Variants in FNDC3B observed in about 807,000 individuals in gnomAD.
The protein encoded by FNDC3B is fibronectin type III domain-containing protein 3B.
Under a neutral mutation model 151.5 loss-of-function variants are expected in FNDC3B, and 12 were observed. That is an observed-to-expected ratio of 0.08 (90% CI 0.05 to 0.13). The LOEUF is 0.13. Among genes scored for constraint, FNDC3B ranks in the 10% least tolerant of loss-of-function variants. FNDC3B has a pLI of 1.00. For missense variants in FNDC3B, 1,214 were observed against 1,505.3 expected (o/e 0.81, Z 3.20); for synonymous variants, 528 against 549.0 (o/e 0.96, Z 0.54).
intron 6 of FNDC3B, among the ~76,000 whole-genome samples, chr3:172,255,475 G>A (rs1448813967): frequency 1.3e-5 from 2 of 152,170 alleles, no homozygotes; most frequent in African/African-American, 4.8e-5. Flanking sequence ...TCACCATGTT[G>A]GCCAGGCTTG....
At chr3:172,110,170 C>G (rs1462464558) in intron 1 of FNDC3B, among the ~76,000 whole-genome samples, 1 of 152,144 alleles carries the variant, frequency 6.6e-6, no homozygotes, top group Admixed American at 6.5e-5. Flanking sequence ...TGTTGGTGTT[C>G]AGACATTCTT....
chr3:172,297,908 G>T (rs1346086997), intron 8 of FNDC3B, among the ~76,000 whole-genome samples: 1 of 152,130 alleles, frequency 6.6e-6, no homozygotes, highest in Non-Finnish European at 1.5e-5. Context: ...ACTTTTATCT[G>T]TTGTCTATAT....
At chr3:172,132,298 T>C (rs563775589) in intron 2 of FNDC3B, among the ~76,000 whole-genome samples, 192 of 152,326 alleles carry the variant, frequency 1.3e-3, no homozygotes, top group African/African-American at 4.3e-3. Flanking sequence ...TTCCGATAAC[T>C]GTAGGATGAA....
chr3:172,191,355 AG>A (rs1301050728), intron 3 of FNDC3B, among the ~76,000 whole-genome samples: 2 of 152,224 alleles, frequency 1.3e-5, no homozygotes, highest in Non-Finnish European at 2.9e-5. Context: ...TACTCTTTAA[AG>A]TACCATCAGA....
chr3:172,058,938 A>G (rs1048176610), intron 1 of FNDC3B, among the ~76,000 whole-genome samples: 3 of 152,250 alleles, frequency 2.0e-5, no homozygotes, highest in Non-Finnish European at 2.9e-5. Flanking sequence ...GAACCAAGAA[A>G]GTTTTATGAA....
intron 3 of FNDC3B, among the ~76,000 whole-genome samples, chr3:172,199,364 A>G (rs1725016959): frequency 6.6e-6 from 1 of 151,166 alleles, no homozygotes; most frequent in African/African-American, 2.4e-5. Flanking sequence ...TATTTTTAGT[A>G]GAGACGGGGT....
chr3:172,270,728 T>C (rs1319045511), intron 6 of FNDC3B, among the ~76,000 whole-genome samples: 4 of 152,192 alleles, frequency 2.6e-5, no homozygotes, highest in African/African-American at 7.2e-5. Flanking sequence ...CAGATTGGAG[T>C]TGGCAGAAGA....
chr3:172,364,546 A>G lies in FNDC3B; in HGVS notation c.3008+1701A>G, dbSNP rs148085531. ...CCCAAGGGCACCCCCTCTTGCTGCA[A>G]TCCTGCCCTGTGTGGGGCAGCAGCC... On this transcript the variant is annotated intron_variant, in intron 23 of 25. Coordinates refer to ENST00000415807, the MANE Select transcript of FNDC3B (RefSeq NM_022763.4). Among the ~76,000 whole-genome samples the G allele has an allele frequency of 2.0e-3, 311 of 152,336 alleles. 1 individual carries two copies. The highest frequency in any genetic ancestry group is 7.3e-3 in the African/African-American group (303 of 41,586).
chr3:172,366,500 G>A (rs1279248908), intron 23 of FNDC3B, among the ~76,000 whole-genome samples: 1 of 152,094 alleles, frequency 6.6e-6, no homozygotes, highest in Non-Finnish European at 1.5e-5. Context: ...CATAGTTTCT[G>A]ATAAGTTGAA....
intron 3 of FNDC3B, among the ~76,000 whole-genome samples, chr3:172,174,933 ACCCC>A (rs1269639185): frequency 2.7e-4 from 5 of 18,260 alleles, no homozygotes; most frequent in Admixed American, 5.7e-4. Context: ...TCCCCCCGCC[ACCCC>A]CCCCCCCCCA....
intron 1 of FNDC3B, among the ~76,000 whole-genome samples, chr3:172,104,274 A>G (rs1719518030): frequency 6.6e-6 from 1 of 152,154 alleles, no homozygotes; most frequent in Non-Finnish European, 1.5e-5. Context: ...CTTAAGGGCT[A>G]ATCTATAATA....
intron 6 of FNDC3B, among the ~76,000 whole-genome samples, chr3:172,269,239 T>TA (rs1239441205): frequency 6.6e-6 from 1 of 151,958 alleles, no homozygotes. Context: ...AAAATCTCCA[T>TA]ATTTTTTTTT....
At chr3:172,341,979 C>A (rs1363512038) in intron 17 of FNDC3B, among the ~76,000 whole-genome samples, 3 of 152,176 alleles carry the variant, frequency 2.0e-5, no homozygotes, top group African/African-American at 7.2e-5. Context: ...CCAAAAGATA[C>A]TTTCACTGTA....
At chr3:172,269,377 G>T (rs1168800995) in intron 6 of FNDC3B, among the ~76,000 whole-genome samples, 1 of 151,774 alleles carries the variant, frequency 6.6e-6, no homozygotes, top group East Asian at 1.9e-4. Context: ...TCCTACCTCA[G>T]CCTCCTGAAT....
At chr3:172,310,693 G>T (rs536310347) in intron 10 of FNDC3B, 135 bp from the exon 11 acceptor site, 12 of 723,484 alleles carry the variant, frequency 1.7e-5, no homozygotes, top group Admixed American at 7.9e-5. Context: ...ACCAAGGAAC[G>T]CAGGAACCAT....
At chr3:172,328,285 G>A (rs1732461287) in intron 11 of FNDC3B, among the ~76,000 whole-genome samples, 1 of 152,232 alleles carries the variant, frequency 6.6e-6, no homozygotes, top group African/African-American at 2.4e-5. Flanking sequence ...CACCCTGCAA[G>A]CATTGATTGA....
At chr3:172,064,726 C>G (rs1455567399) in intron 1 of FNDC3B, among the ~76,000 whole-genome samples, 1 of 152,190 alleles carries the variant, frequency 6.6e-6, no homozygotes, top group Non-Finnish European at 1.5e-5. Flanking sequence ...TTTCAAATGG[C>G]TCTTATTATC....
At chr3:172,243,117 C>T (rs1727584632) in intron 4 of FNDC3B, among the ~76,000 whole-genome samples, 1 of 152,190 alleles carries the variant, frequency 6.6e-6, no homozygotes, top group Non-Finnish European at 1.5e-5. Flanking sequence ...CAGCCTGGGC[C>T]TTATTGTTCA....
At chr3:172,273,364 T>C (rs1729291856) in intron 6 of FNDC3B, among the ~76,000 whole-genome samples, 3 of 152,178 alleles carry the variant, frequency 2.0e-5, no homozygotes, top group Admixed American at 2.0e-4. Flanking sequence ...TCCTGTGTCA[T>C]AGAAAAAAAG....
Sources: allele counts gnomAD v4.1 joint callset (sites outside exome capture counted in the v4.1 genomes callset), GRCh38; gene constraint gnomAD v4.1.1; transcripts MANE v1.5; gene names NCBI Gene and HGNC (gene_info 2026-07-23, HGNC 2026-07-21).